LIMS4: variants seen among roughly 807,000 people sequenced by gnomAD.
The protein encoded by LIMS4 is LIM and senescent cell antigen-like-containing domain protein 4.
chr2:110,365,495 A>T, the LIMS4 span, among the ~76,000 whole-genome samples: 1 of 132,366 alleles, frequency 7.6e-6, no homozygotes, highest in Non-Finnish European at 1.5e-5. Flanking sequence ...GAAAAAAAAG[A>T]TAAGACATAC....
At chr2:110,433,411 C>G in the LIMS4 span, 4 of 147,452 alleles carry the variant, frequency 2.7e-5, no homozygotes, top group African/African-American at 1.0e-4. Context: ...GTAGGTTTCC[C>G]CCTTCTTACA....
chr2:110,365,485 GA>G, the LIMS4 span, among the ~76,000 whole-genome samples: 4 of 126,786 alleles, frequency 3.2e-5, no homozygotes, highest in East Asian at 2.1e-4. Context: ...CAAAACCAAA[GA>G]AAAAAAAGAT....
At chr2:110,368,276 A>C in the LIMS4 span, among the ~76,000 whole-genome samples, 2 of 151,182 alleles carry the variant, frequency 1.3e-5, no homozygotes, top group African/African-American at 2.4e-5. Context: ...TAACATACAT[A>C]AATATATTTA....
At chr2:110,424,425 A>AT in the LIMS4 span, among the ~76,000 whole-genome samples, 2 of 116,108 alleles carry the variant, frequency 1.7e-5, no homozygotes, top group Admixed American at 9.1e-5. Flanking sequence ...ACCGCTCCTG[A>AT]TTTTTTAAAA....
At chr2:110,389,903 C>T in the LIMS4 span, among the ~76,000 whole-genome samples, 39 of 145,520 alleles carry the variant, frequency 2.7e-4, 3 homozygotes, top group East Asian at 7.6e-3. Flanking sequence ...GCAAAGAGGC[C>T]AGGCTGGGGG....
chr2:110,392,043 G>A, the LIMS4 span, among the ~76,000 whole-genome samples: 11 of 151,858 alleles, frequency 7.2e-5, no homozygotes, highest in Non-Finnish European at 1.2e-4. Context: ...TCTGACCTGA[G>A]TCTTACTTGC....
chr2:110,389,921 AG>A, the LIMS4 span, among the ~76,000 whole-genome samples: 608 of 143,968 alleles, frequency 4.2e-3, 17 homozygotes, highest in Non-Finnish European at 3.5e-3. Flanking sequence ...GGGATCCCTA[AG>A]GTCCCCTGGG....
chr2:110,425,636 G>T, the LIMS4 span, among the ~76,000 whole-genome samples: 5 of 142,616 alleles, frequency 3.5e-5, no homozygotes, highest in South Asian at 4.3e-4. Flanking sequence ...AGCAAGACAG[G>T]GGAGAGGAGA....
At chr2:110,425,126 G>A in the LIMS4 span, among the ~76,000 whole-genome samples, 1 of 142,794 alleles carries the variant, frequency 7.0e-6, no homozygotes, top group South Asian at 2.1e-4. Flanking sequence ...CATTCTCGAA[G>A]ACCAGGAACC....
chr2:110,360,873 T>A, the LIMS4 span: 1 of 1,412,552 alleles, frequency 7.1e-7, no homozygotes, highest in South Asian at 1.2e-5. Context: ...AGACGTGACA[T>A]GTAGCAGAGG....
the LIMS4 span, among the ~76,000 whole-genome samples, chr2:110,425,266 T>C: frequency 7.0e-6 from 1 of 142,852 alleles, no homozygotes; most frequent in Non-Finnish European, 1.5e-5. Flanking sequence ...AAACCTATAG[T>C]GGGCTAGTCT....
At chr2:110,419,681 AAAG>A in the LIMS4 span, among the ~76,000 whole-genome samples, 1 of 40,770 alleles carries the variant, frequency 2.5e-5, no homozygotes, top group East Asian at 6.8e-4. Flanking sequence ...AAAAAAAGAA[AAAG>A]AAGAAGTGTT....
chr2:110,367,427 C>T, the LIMS4 span, among the ~76,000 whole-genome samples: 5 of 143,462 alleles, frequency 3.5e-5, no homozygotes, highest in Admixed American at 2.7e-4. Context: ...TGAAGCCACA[C>T]GTCTACAACT....
chr2:110,360,955 G>GT, the LIMS4 span: 52 of 1,567,570 alleles, frequency 3.3e-5, no homozygotes, highest in Admixed American at 9.1e-4. Flanking sequence ...ACTGCAGCAG[G>GT]TTTTCGGTGG....
At chr2:110,391,123 G>T in the LIMS4 span, among the ~76,000 whole-genome samples, 1 of 144,658 alleles carries the variant, frequency 6.9e-6, no homozygotes, top group Non-Finnish European at 1.5e-5. Context: ...GGGGGACAGC[G>T]TGGCTGGAGG....
chr2:110,371,253 A>AC, the LIMS4 span, among the ~76,000 whole-genome samples: 1 of 127,884 alleles, frequency 7.8e-6, no homozygotes, highest in African/African-American at 3.6e-5. Flanking sequence ...AAAAAAAAAA[A>AC]AACAAGTCTT....
At chr2:110,371,977 G>C in the LIMS4 span, among the ~76,000 whole-genome samples, 7 of 152,182 alleles carry the variant, frequency 4.6e-5, no homozygotes, top group Admixed American at 3.3e-4. Flanking sequence ...GAAGATGCCT[G>C]TCGCCAAACT....
At chr2:110,365,931 T>C in the LIMS4 span, among the ~76,000 whole-genome samples, 3 of 149,752 alleles carry the variant, frequency 2.0e-5, no homozygotes, top group Non-Finnish European at 4.4e-5. Flanking sequence ...CTACAAAATG[T>C]GGAAAAATTC....
At chr2:110,359,228 A>T in the LIMS4 span, 1 of 143,240 alleles carries the variant, frequency 7.0e-6, no homozygotes, top group African/African-American at 2.7e-5. Context: ...CCTTTCGAGG[A>T]ACCGAACATT....
Sources: gnomAD v4.1 joint callset for allele counts (sites outside exome capture counted in the v4.1 genomes callset) on GRCh38, gnomAD v4.1.1 for gene constraint, MANE v1.5 for transcripts, NCBI Gene and HGNC (gene_info 2026-07-23, HGNC 2026-07-21) for gene names.